The following MGMT variants were observed in gnomAD, a reference collection of about 807,000 sequenced individuals.
MGMT encodes the protein O-6-methylguanine-DNA methyltransferase.
A neutral mutation model predicts 15.9 loss-of-function variants in MGMT; 14 were observed. The observed-to-expected ratio is 0.88, with a 90% CI of 0.58 to 1.37. MGMT has a LOEUF of 1.37. Among genes scored for constraint, MGMT ranks in the 40% most tolerant of loss-of-function variants. The pLI is 0.00. For synonymous variants in MGMT, 130 were observed against 118.2 expected, an observed-to-expected ratio of 1.10 and a Z score of -0.65; for missense variants, 282 against 268.1, an observed-to-expected ratio of 1.05 and a Z score of -0.36.
intron 2 of MGMT, among the ~76,000 whole-genome samples, chr10:129,646,639 G>C (rs929540491): frequency 6.7e-6 from 1 of 148,724 alleles, no homozygotes; most frequent in African/African-American, 2.5e-5. Context: ...TTAACACGTG[G>C]CATCCTCACT....
chr10:129,604,220 G>A (rs543263514), intron 2 of MGMT, among the ~76,000 whole-genome samples: 2 of 152,220 alleles, frequency 1.3e-5, no homozygotes, highest in Non-Finnish European at 2.9e-5. Context: ...GGCTGCCGGG[G>A]CCTTTGGAGA....
At position 129,768,471 on chromosome 10, in the gene MGMT, C is replaced by T. The variant is rs118030379; in HGVS notation, c.*1474C>T. Among the ~76,000 whole-genome samples, 4 of 152,336 alleles carry T rather than the reference C, an allele frequency of 2.6e-5. No homozygotes were observed. Among genetic ancestry groups the T allele is most frequent in the East Asian group, 1.9e-4 (1 of 5,176 alleles). On this transcript the variant is annotated 3_prime_UTR_variant, in exon 5 of 5. Coordinates refer to ENST00000651593, the MANE Select transcript of MGMT (RefSeq NM_002412.5). ...CCTCAGGTGCCGCACGCCGCGTCAC[C>T]GTCAGGACTCGCAGGCTGTCTGGTC... is the stretch of plus-strand genomic sequence containing the variant.
intron 1 of MGMT, among the ~76,000 whole-genome samples, chr10:129,470,539 G>C (rs1379906506): frequency 1.3e-5 from 2 of 152,176 alleles, no homozygotes; most frequent in East Asian, 3.9e-4. Context: ...TTGTGACTTT[G>C]TTGATCTTTG....
intron 3 of MGMT, among the ~76,000 whole-genome samples, chr10:129,722,236 C>T (rs909410544): frequency 6.6e-6 from 1 of 151,950 alleles, no homozygotes; most frequent in South Asian, 2.1e-4. Context: ...AAAATGTATT[C>T]TATTTTTATA....
At chr10:129,727,799 C>G (rs948639598) in intron 3 of MGMT, among the ~76,000 whole-genome samples, 5 of 152,216 alleles carry the variant, frequency 3.3e-5, no homozygotes, top group African/African-American at 1.2e-4. Flanking sequence ...GCCAGCACTG[C>G]AGGCAGCAAG....
intron 1 of MGMT, among the ~76,000 whole-genome samples, chr10:129,488,004 TAC>T (rs373298935): frequency 0.048 from 5,880 of 121,264 alleles, 156 homozygotes; most frequent in South Asian, 0.074. Context: ...CACATAGGTA[TAC>T]ACACACACAC....
At chr10:129,611,368 A>G (rs570141940) in intron 2 of MGMT, among the ~76,000 whole-genome samples, 50 of 152,238 alleles carry the variant, frequency 3.3e-4, no homozygotes, top group African/African-American at 1.2e-3. Flanking sequence ...GTGAAGGGGG[A>G]GGTGCCACAC....
intron 2 of MGMT, among the ~76,000 whole-genome samples, chr10:129,652,881 G>T (rs761220313): frequency 1.3e-5 from 2 of 152,248 alleles, no homozygotes; most frequent in Non-Finnish European, 2.9e-5. Context: ...TTGAATATTT[G>T]TTGTGTTCCT....
intron 1 of MGMT, among the ~76,000 whole-genome samples, chr10:129,489,562 TA>T (rs1232497171): frequency 6.6e-6 from 1 of 152,088 alleles, no homozygotes; most frequent in Non-Finnish European, 1.5e-5. Context: ...GTGGGGAGAA[TA>T]AGATCTTTAG....
At chr10:129,751,524 G>A (rs949456721) in intron 3 of MGMT, among the ~76,000 whole-genome samples, 13 of 150,934 alleles carry the variant, frequency 8.6e-5, no homozygotes, top group Non-Finnish European at 1.2e-4. Context: ...GTTGATTTTC[G>A]CCTTTGCCTT....
At chr10:129,614,238 T>A (rs1040292090) in intron 2 of MGMT, among the ~76,000 whole-genome samples, 14 of 152,326 alleles carry the variant, frequency 9.2e-5, no homozygotes, top group South Asian at 2.1e-4. Flanking sequence ...ATCCGTGTTG[T>A]AGCACGTGTC....
chr10:129,729,933 ACAGT>A (rs1027441525), intron 3 of MGMT, among the ~76,000 whole-genome samples: 6 of 152,190 alleles, frequency 3.9e-5, no homozygotes, highest in African/African-American at 1.4e-4. Flanking sequence ...TCCCTGAAAC[ACAGT>A]CAGACGGTGT....
intron 2 of MGMT, among the ~76,000 whole-genome samples, chr10:129,664,283 A>G (rs1284918205): frequency 2.0e-5 from 3 of 152,224 alleles, no homozygotes; most frequent in African/African-American, 7.2e-5. Context: ...TAGGGGGAAA[A>G]CTACAAATAT....
intron 2 of MGMT, among the ~76,000 whole-genome samples, chr10:129,601,926 A>T (rs1186980637): frequency 3.3e-5 from 5 of 152,158 alleles, no homozygotes; most frequent in African/African-American, 1.2e-4. Context: ...AGCCATGGAA[A>T]TTCCCCGTAG....
At chr10:129,560,144 G>A (rs1055298716) in intron 2 of MGMT, among the ~76,000 whole-genome samples, 4 of 152,190 alleles carry the variant, frequency 2.6e-5, no homozygotes, top group Non-Finnish European at 5.9e-5. Context: ...GGGAGAGCAC[G>A]GGGCGTTCTT....
At chr10:129,481,622 A>G (rs1845358754) in intron 1 of MGMT, among the ~76,000 whole-genome samples, 2 of 152,188 alleles carry the variant, frequency 1.3e-5, no homozygotes, top group Admixed American at 1.3e-4. Context: ...TAGTAGCTAT[A>G]GGGCCATTCA....
At chr10:129,714,174 C>A (rs1848266468) in intron 3 of MGMT, among the ~76,000 whole-genome samples, 1 of 152,252 alleles carries the variant, frequency 6.6e-6, no homozygotes, top group South Asian at 2.1e-4. Flanking sequence ...CGGGCTGGCC[C>A]CGTGGACTGC....
At chr10:129,724,468 T>A (rs558941614) in intron 3 of MGMT, among the ~76,000 whole-genome samples, 1 of 152,296 alleles carries the variant, frequency 6.6e-6, no homozygotes, top group African/African-American at 2.4e-5. Flanking sequence ...ACAGGTTAGG[T>A]CACATAGGTA....
At chr10:129,728,760 C>G (rs139077314) in intron 3 of MGMT, among the ~76,000 whole-genome samples, 148 of 151,984 alleles carry the variant, frequency 9.7e-4, no homozygotes, top group Middle Eastern at 3.4e-3. Context: ...TCTCTGTCCC[C>G]CTGGTATTGG....
Sources: allele counts gnomAD v4.1 joint callset (sites outside exome capture counted in the v4.1 genomes callset), GRCh38; gene constraint gnomAD v4.1.1; transcripts MANE v1.5; gene names NCBI Gene and HGNC (gene_info 2026-07-23, HGNC 2026-07-21).